The following CFAP46 variants were observed in gnomAD, a reference collection of about 807,000 sequenced individuals.
CFAP46 encodes the protein cilia and flagella associated protein 46.
Under a neutral mutation model 325.7 loss-of-function variants are expected in CFAP46, and 245 were observed. That is an observed-to-expected ratio of 0.75 (90% CI 0.68 to 0.84). CFAP46 has a LOEUF of 0.84. Among genes scored for constraint, CFAP46 ranks in the 40% least tolerant of loss-of-function variants. CFAP46 has a pLI of 0.00. For missense variants in CFAP46, 3,346 were observed against 3,543.0 expected (o/e 0.94, Z 1.41); for synonymous variants, 1,523 against 1,495.9 (o/e 1.02, Z -0.42).
intron 20 of CFAP46, among the ~76,000 whole-genome samples, 181 bp downstream of exon 20, chr10:132,909,738 C>T (rs1477813734): frequency 1.3e-5 from 2 of 152,232 alleles, no homozygotes; most frequent in South Asian, 2.1e-4. Context: ...GAGGAGGCCC[C>T]GTGCCACACT....
At chr10:132,863,061 C>T (rs1293156721) in intron 35 of CFAP46, among the ~76,000 whole-genome samples, 22 of 152,132 alleles carry the variant, frequency 1.4e-4, no homozygotes, top group East Asian at 1.9e-4. Flanking sequence ...AGGAGGGTGG[C>T]GAACCCACGT....
At chr10:132,833,812 G>C (rs919414793) in intron 49 of CFAP46, among the ~76,000 whole-genome samples, 5 of 152,236 alleles carry the variant, frequency 3.3e-5, no homozygotes, top group Non-Finnish European at 2.9e-5. Context: ...GGTGCTCTCA[G>C]GAGGCTTGGC....
chr10:132,861,541 G>A (rs984490006), intron 35 of CFAP46, among the ~76,000 whole-genome samples: 10 of 152,198 alleles, frequency 6.6e-5, no homozygotes, highest in East Asian at 1.9e-4. Flanking sequence ...GATGCTGAGC[G>A]GCTCAGAGCC....
intron 50 of CFAP46, among the ~76,000 whole-genome samples, chr10:132,821,577 T>C (rs1847830843): frequency 7.6e-6 from 1 of 131,178 alleles, no homozygotes; most frequent in Non-Finnish European, 1.6e-5. Context: ...TGTGCGCTGA[T>C]GTGTGCTGTG....
intron 8 of CFAP46, among the ~76,000 whole-genome samples, chr10:132,932,943 A>G (rs1478238657): frequency 6.6e-6 from 1 of 152,256 alleles, no homozygotes; most frequent in Non-Finnish European, 1.5e-5. Flanking sequence ...GTGTCCCTGC[A>G]GCTGCCCGCT....
At chr10:132,834,437 G>A (rs1396634955) in intron 48 of CFAP46, among the ~76,000 whole-genome samples, 2 of 152,234 alleles carry the variant, frequency 1.3e-5, no homozygotes, top group Non-Finnish European at 2.9e-5. Context: ...CCAGGGGCTG[G>A]AGGGACCGTG....
intron 17 of CFAP46, among the ~76,000 whole-genome samples, chr10:132,915,201 C>G (rs1849617968): frequency 6.6e-6 from 1 of 152,278 alleles, no homozygotes; most frequent in African/African-American, 2.4e-5. Context: ...GGCTTGAGCC[C>G]TAATTTTCAG....
chr10:132,838,163 C>T (rs568399006), intron 44 of CFAP46, among the ~76,000 whole-genome samples: 5 of 152,354 alleles, frequency 3.3e-5, no homozygotes, highest in Admixed American at 2.6e-4. Flanking sequence ...ATACCAGACC[C>T]GGCACGCAGT....
chr10:132,898,897 T>C (rs1215907436), intron 24 of CFAP46, 62 bp downstream of exon 24: 1 of 1,536,496 alleles, frequency 6.5e-7, no homozygotes. Flanking sequence ...TCTCCGGTCC[T>C]TTCTGGAAGA....
rs775021872 is a variant in CFAP46 at position 132,938,614 on chromosome 10, T to C, written c.511A>G (p.Lys171Glu). The C allele has an allele frequency of 2.5e-6, 4 of 1,613,458 alleles. No individual in the cohort carries two copies. In the Admixed American group the frequency reaches 5.0e-5, roughly 20 times the overall value. The part of the protein sequence containing the change: ...NVLSQTEEED[K>E]EWRAELMLEL... Reference sequence around the variant, plus strand: ...AGCATCAGCTCAGCACGCCACTCCTTGTCTTCCTCCTCAGTCTGACTCAGC... The same window carrying C: ...AGCATCAGCTCAGCACGCCACTCCTCGTCTTCCTCCTCAGTCTGACTCAGC... Residue 171 changes from lysine to glutamate, a missense_variant, in exon 5 of 58, where the codon AAG becomes GAG. Transcript: ENST00000368586.
At chr10:132,822,782 T>TGG (rs1426118140) in intron 50 of CFAP46, among the ~76,000 whole-genome samples, 2 of 133,304 alleles carry the variant, frequency 1.5e-5, no homozygotes, top group Non-Finnish European at 1.6e-5. Context: ...GTGTGTGCAC[T>TGG]TGTGTGTGCT....
At chr10:132,859,012 G>C (rs1240408388) in intron 38 of CFAP46, 59 bp downstream of exon 38, 1 of 1,499,050 alleles carries the variant, frequency 6.7e-7, no homozygotes, top group Non-Finnish European at 9.0e-7. Context: ...ATGGCGCTGG[G>C]CGTGTTGTGT....
At position 132,936,944 on chromosome 10, in the gene CFAP46, CT is replaced by C; in HGVS notation, c.755+16del. 6.8e-7 allele frequency: 1 copy of C among 1,471,332 alleles called. No individual in the cohort carries two copies. The highest frequency in any genetic ancestry group is 9.2e-7 in the Non-Finnish European group (1 of 1,085,738). The allele number at this position is 1,471,332 out of a possible 1,614,324, so 91.1% of individuals were successfully genotyped here. On this transcript the variant is annotated intron_variant, in intron 7 of 57. Coordinates refer to ENST00000368586, the MANE Select transcript of CFAP46 (RefSeq NM_001200049.3). ...TTGTGAAACTCAGTATTTGCTCTCC[CT>C]CCCAAAACGACTTACGCCTTTAGCA...
At chr10:132,891,050 G>A (rs11814790) in intron 25 of CFAP46, among the ~76,000 whole-genome samples, 12,576 of 152,000 alleles carry the variant, frequency 0.083, 1,356 homozygotes, top group African/African-American at 0.25. Context: ...GTCAGTATGC[G>A]TTTTTGTGTG....
At chr10:132,860,391 G>C in intron 37 of CFAP46, 26 bp downstream of exon 37, 1 of 1,501,994 alleles carries the variant, frequency 6.7e-7, no homozygotes, top group Non-Finnish European at 9.1e-7. Flanking sequence ...TCACGCTAAT[G>C]AACAGTGTTT....
chr10:132,902,114 G>C (rs1422276032), intron 22 of CFAP46, among the ~76,000 whole-genome samples: 1 of 152,212 alleles, frequency 6.6e-6, no homozygotes, highest in Non-Finnish European at 1.5e-5. Context: ...TTCCTTGAAA[G>C]TCTTGGATCT....
chr10:132,910,727 G>A (rs1255609991), intron 19 of CFAP46, among the ~76,000 whole-genome samples: 1 of 152,204 alleles, frequency 6.6e-6, no homozygotes, highest in African/African-American at 2.4e-5. Flanking sequence ...GTGAACACCT[G>A]CTCCTTGCAA....
intron 46 of CFAP46, among the ~76,000 whole-genome samples, 181 bp from the exon 47 acceptor site, chr10:132,835,615 C>T (rs1314810015): frequency 3.3e-5 from 5 of 152,258 alleles, no homozygotes; most frequent in South Asian, 2.1e-4. Context: ...CACATCATTG[C>T]GCAGGCAGCG....
chr10:132,824,807 G>A (rs1352852671), intron 50 of CFAP46, among the ~76,000 whole-genome samples: 4 of 139,466 alleles, frequency 2.9e-5, no homozygotes, highest in Admixed American at 7.2e-5. Flanking sequence ...CTGTCTGTGC[G>A]CTGATGTGTG....
Sources: allele counts gnomAD v4.1 joint callset (sites outside exome capture counted in the v4.1 genomes callset), GRCh38; gene constraint gnomAD v4.1.1; transcripts MANE v1.5; gene names NCBI Gene and HGNC (gene_info 2026-07-23, HGNC 2026-07-21).